The following VTI1A variants were observed in gnomAD, a reference collection of about 807,000 sequenced individuals.
VTI1A encodes vesicle transport through interaction with t-SNAREs 1A, also known as vesicle transport through interaction with t-SNAREs homolog 1A.
Under a neutral mutation model 34.9 loss-of-function variants are expected in VTI1A, and 22 were observed. That is an observed-to-expected ratio of 0.63 (90% CI 0.45 to 0.90). The LOEUF (loss-of-function observed/expected upper bound fraction) is 0.90. VTI1A is among the 40% of genes least tolerant of loss of function. The pLI, the probability that VTI1A is intolerant of heterozygous loss-of-function variation, is 0.00. For missense variants in VTI1A, 268 were observed against 275.6 expected (o/e 0.97, Z 0.20); for synonymous variants, 87 against 97.3 (o/e 0.89, Z 0.62).
intron 7 of VTI1A, among the ~76,000 whole-genome samples, chr10:112,796,318 A>G (rs968760206): frequency 6.6e-6 from 1 of 151,810 alleles, no homozygotes; most frequent in African/African-American, 2.4e-5. Context: ...AGGCAGGAGA[A>G]TCACTTGAAC....
chr10:112,542,839 C>G (rs1036125879), intron 5 of VTI1A, among the ~76,000 whole-genome samples: 3 of 152,190 alleles, frequency 2.0e-5, no homozygotes, highest in Non-Finnish European at 2.9e-5. Flanking sequence ...CTCCCCACCC[C>G]ACAACAGGCC....
intron 5 of VTI1A, among the ~76,000 whole-genome samples, chr10:112,564,047 G>A (rs957537207): frequency 8.6e-5 from 13 of 151,176 alleles, no homozygotes; most frequent in Admixed American, 7.9e-4. Flanking sequence ...CTACTAAAAT[G>A]TTGAAAATTG....
At chr10:112,801,174 G>A (rs941709564) in intron 7 of VTI1A, among the ~76,000 whole-genome samples, 4 of 152,152 alleles carry the variant, frequency 2.6e-5, no homozygotes, top group African/African-American at 9.7e-5. Context: ...CCAGCAGGAG[G>A]TGGGAGGGTG....
chr10:112,724,959 T>C (rs1849963770), intron 7 of VTI1A, among the ~76,000 whole-genome samples: 1 of 152,202 alleles, frequency 6.6e-6, no homozygotes, highest in African/African-American at 2.4e-5. Context: ...TTAGAGTGTT[T>C]TAAAGCAAAT....
chr10:112,737,014 C>G (rs896149208), intron 7 of VTI1A: 15 of 532,536 alleles, frequency 2.8e-5, no homozygotes, highest in Non-Finnish European at 4.7e-5. Flanking sequence ...CTTTATGATT[C>G]TGTAATAATC....
chr10:112,501,015 A>G (rs1442830950), intron 3 of VTI1A, among the ~76,000 whole-genome samples: 22 of 152,210 alleles, frequency 1.4e-4, no homozygotes. Flanking sequence ...GTATCAAAAT[A>G]AACCTCCATT....
intron 3 of VTI1A, among the ~76,000 whole-genome samples, chr10:112,473,136 G>A (rs1405022639): frequency 7.0e-6 from 1 of 142,688 alleles, no homozygotes; most frequent in African/African-American, 2.6e-5. Flanking sequence ...TTGAGACAGA[G>A]TCTTGCTCTG....
intron 5 of VTI1A, among the ~76,000 whole-genome samples, chr10:112,610,798 A>G (rs943820167): frequency 2.0e-5 from 3 of 152,184 alleles, no homozygotes; most frequent in Non-Finnish European, 4.4e-5. Context: ...GGGCGCCTGT[A>G]GTCCCAGCAA....
chr10:112,724,194 G>A (rs1485399444), intron 7 of VTI1A, among the ~76,000 whole-genome samples: 1 of 152,084 alleles, frequency 6.6e-6, no homozygotes, highest in East Asian at 1.9e-4. Flanking sequence ...ATCAAGTATG[G>A]TGTTATTGCC....
At chr10:112,651,848 G>T (rs541427016) in intron 5 of VTI1A, among the ~76,000 whole-genome samples, 1 of 152,192 alleles carries the variant, frequency 6.6e-6, no homozygotes, top group Non-Finnish European at 1.5e-5. Context: ...CTTCATCCAA[G>T]TCTGTTTTAT....
chr10:112,482,198 AACATAATATATTGATGAAAG>A (rs1848481585), intron 3 of VTI1A, among the ~76,000 whole-genome samples: 1 of 152,194 alleles, frequency 6.6e-6, no homozygotes, highest in African/African-American at 2.4e-5. Flanking sequence ...TCAGTTTTTT[AACATAATATATTGATGAAAG>A]AGTTTTGGTT....
At chr10:112,486,406 A>G (rs796644641) in intron 3 of VTI1A, among the ~76,000 whole-genome samples, 7 of 152,314 alleles carry the variant, frequency 4.6e-5, no homozygotes, top group African/African-American at 1.7e-4. Flanking sequence ...ACATCATGAA[A>G]ATGCCCTGAA....
At chr10:112,619,301 A>G (rs775055572) in intron 5 of VTI1A, among the ~76,000 whole-genome samples, 9 of 152,280 alleles carry the variant, frequency 5.9e-5, no homozygotes, top group Middle Eastern at 3.4e-3. Flanking sequence ...TAAGACAGAC[A>G]TGATAATGAA....
At chr10:112,472,613 A>G (rs535846316) in intron 3 of VTI1A, among the ~76,000 whole-genome samples, 17 of 152,056 alleles carry the variant, frequency 1.1e-4, no homozygotes, top group Non-Finnish European at 2.5e-4. Flanking sequence ...TTTTTGTTGA[A>G]AGGTCAAGAA....
At chr10:112,691,065 C>G (rs1265846481) in intron 7 of VTI1A, among the ~76,000 whole-genome samples, 3 of 151,944 alleles carry the variant, frequency 2.0e-5, no homozygotes, top group African/African-American at 7.3e-5. Context: ...GCCAGGAATT[C>G]AAGAACAGGC....
intron 7 of VTI1A, among the ~76,000 whole-genome samples, chr10:112,783,381 G>A (rs1274679675): frequency 1.4e-5 from 2 of 140,866 alleles, no homozygotes; most frequent in Non-Finnish European, 3.0e-5. Flanking sequence ...TGAGTTGTAT[G>A]TGCATGCCCG....
At chr10:112,681,633 AAAATCTT>A (rs1327787697) in intron 7 of VTI1A, among the ~76,000 whole-genome samples, 4 of 152,246 alleles carry the variant, frequency 2.6e-5, no homozygotes, top group African/African-American at 9.6e-5. Flanking sequence ...ACAATTATGA[AAAATCTT>A]TTCACTGGTT....
At chr10:112,763,240 A>T (rs993499087) in intron 7 of VTI1A, among the ~76,000 whole-genome samples, 4 of 152,048 alleles carry the variant, frequency 2.6e-5, no homozygotes, top group African/African-American at 9.7e-5. Flanking sequence ...GGAGATCGAG[A>T]CCATCCTGGC....
intron 7 of VTI1A, among the ~76,000 whole-genome samples, chr10:112,809,508 G>A (rs935671209): frequency 2.0e-5 from 3 of 152,224 alleles, no homozygotes; most frequent in African/African-American, 4.8e-5. Flanking sequence ...AGGAAGGCAG[G>A]TACAGGATGC....
Sources: allele counts gnomAD v4.1 joint callset (sites outside exome capture counted in the v4.1 genomes callset), GRCh38; gene constraint gnomAD v4.1.1; transcripts MANE v1.5; gene names NCBI Gene and HGNC (gene_info 2026-07-23, HGNC 2026-07-21).